The following PTPN2 variants were observed in gnomAD, a reference collection of about 807,000 sequenced individuals.
The protein encoded by PTPN2 is protein tyrosine phosphatase non-receptor type 2, also known as tyrosine-protein phosphatase non-receptor type 2.
PTPN2 carries 19 observed loss-of-function variants against 57.3 expected under a neutral mutation model. That is an observed-to-expected ratio of 0.33 (90% CI 0.23 to 0.49). The LOEUF is 0.49. PTPN2 is among the 20% of genes least tolerant of loss of function. The pLI is 0.99. For synonymous variants in PTPN2, 153 were observed against 164.9 expected (o/e 0.93, Z 0.55); for missense variants, 358 against 501.1 (o/e 0.71, Z 2.73).
At chr18:12,865,427 T>A (rs1260207667) in intron 1 of PTPN2, among the ~76,000 whole-genome samples, 1 of 143,368 alleles carries the variant, frequency 7.0e-6, no homozygotes, top group African/African-American at 2.7e-5. Flanking sequence ...AGAGCAAGAC[T>A]CTGTCTTTAT....
chr18:12,848,232 G>A (rs1160865079), intron 2 of PTPN2, among the ~76,000 whole-genome samples: 2 of 152,130 alleles, frequency 1.3e-5, no homozygotes, highest in Non-Finnish European at 2.9e-5. Context: ...ATGATTTGAA[G>A]GTCTATCATC....
chr18:12,840,982 AT>A (rs2043025658), intron 2 of PTPN2: 2 of 1,436,452 alleles, frequency 1.4e-6, no homozygotes, highest in South Asian at 1.5e-5. Flanking sequence ...ATCATACACA[AT>A]TTTTAGTCAA....
intron 8 of PTPN2, 134 bp downstream of exon 8, chr18:12,801,836 T>G: frequency 7.9e-6 from 7 of 889,762 alleles, no homozygotes; most frequent in East Asian, 2.8e-5. Context: ...CCCAAAGTGT[T>G]GAGATTACAG....
Position 12,792,483 on chromosome 18 carries a change from A to AG in PTPN2, c.*1794_*1795insC, listed in dbSNP as rs2041013807. Reference sequence around the variant, plus strand: ...TTTTTAGTAAAGAAGGGATTTCACCATGTTGGCCAGGACAGTCTCCATCTC... The same window carrying AG: ...TTTTTAGTAAAGAAGGGATTTCACCAGTGTTGGCCAGGACAGTCTCCATCTC... On this transcript the variant is annotated 3_prime_UTR_variant, in exon 9 of 9. Coordinates refer to ENST00000309660, the MANE Select transcript of PTPN2 (RefSeq NM_002828.4). 6.5e-6 allele frequency: 1 copy of AG among 153,890 alleles called. No homozygotes were observed. Among genetic ancestry groups the AG allele is most frequent in the Non-Finnish European group, 1.4e-5 (1 of 69,680 alleles). The allele number at this position is 153,890 out of a possible 1,614,324, so 9.5% of individuals were successfully genotyped here.
intron 1 of PTPN2, among the ~76,000 whole-genome samples, chr18:12,873,460 G>GT (rs1010124510): frequency 1.3e-5 from 2 of 152,192 alleles, no homozygotes; most frequent in Non-Finnish European, 2.9e-5. Context: ...ACTGGTTTTC[G>GT]TATTTTTTTG....
At chr18:12,787,640 GA>G (rs1370859338), downstream of PTPN2, 1 of 152,168 alleles carries the variant, frequency 6.6e-6, no homozygotes, top group Non-Finnish European at 1.5e-5. Flanking sequence ...GGGGGGGTAA[GA>G]AAATACGGTT....
intron 5 of PTPN2, among the ~76,000 whole-genome samples, chr18:12,820,493 A>G (rs1428664383): frequency 6.6e-6 from 1 of 152,192 alleles, no homozygotes; most frequent in African/African-American, 2.4e-5. Context: ...GAGAGGGGAA[A>G]AAAAGGGTTG....
At chr18:12,846,920 A>G (rs1201952558) in intron 2 of PTPN2, among the ~76,000 whole-genome samples, 1 of 152,174 alleles carries the variant, frequency 6.6e-6, no homozygotes, top group East Asian at 1.9e-4. Context: ...TGCCTTCCAC[A>G]TGTGGGCCCA....
intron 7 of PTPN2, among the ~76,000 whole-genome samples, chr18:12,811,996 A>C (rs1421274812): frequency 6.6e-6 from 1 of 152,214 alleles, no homozygotes; most frequent in Non-Finnish European, 1.5e-5. Context: ...TAATTTGTTA[A>C]AAGTTTATCA....
At chr18:12,800,057 A>G (rs2041355271) in intron 8 of PTPN2, among the ~76,000 whole-genome samples, 1 of 152,176 alleles carries the variant, frequency 6.6e-6, no homozygotes, top group South Asian at 2.1e-4. Context: ...GGGAAGGAAA[A>G]AAGGGAAAGA....
intron 2 of PTPN2, among the ~76,000 whole-genome samples, chr18:12,855,814 T>C (rs1229975086): frequency 6.6e-6 from 1 of 152,178 alleles, no homozygotes; most frequent in Non-Finnish European, 1.5e-5. Context: ...AATTAAAAAA[T>C]CCAGAGTTAT....
At chr18:12,868,083 C>T (rs75582301) in intron 1 of PTPN2, among the ~76,000 whole-genome samples, 15,127 of 152,210 alleles carry the variant, frequency 0.099, 1,000 homozygotes, top group Non-Finnish European at 0.15. Flanking sequence ...GGGAAAGACC[C>T]TTCTCTAGTG....
intron 8 of PTPN2, 90 bp downstream of exon 8, chr18:12,801,880 T>C: frequency 8.3e-7 from 1 of 1,205,446 alleles, no homozygotes. Context: ...AAAAATTACA[T>C]ACCTGAAATC....
At chr18:12,829,044 T>C (rs576924960) in intron 4 of PTPN2, among the ~76,000 whole-genome samples, 3 of 152,146 alleles carry the variant, frequency 2.0e-5, no homozygotes, top group Non-Finnish European at 2.9e-5. Flanking sequence ...ACTACAGGCA[T>C]GCGCCACCAC....
intron 1 of PTPN2, among the ~76,000 whole-genome samples, chr18:12,865,438 TAAA>T (rs376422275): frequency 1.5e-5 from 2 of 129,476 alleles, no homozygotes; most frequent in Non-Finnish European, 3.4e-5. Flanking sequence ...CTGTCTTTAT[TAAA>T]AAAAAAAAAA....
chr18:12,831,643 G>A (rs573817479), intron 3 of PTPN2, among the ~76,000 whole-genome samples: 2 of 152,098 alleles, frequency 1.3e-5, no homozygotes, highest in Non-Finnish European at 2.9e-5. Flanking sequence ...ACCATCACTG[G>A]CCAGCCAACC....
intron 7 of PTPN2, among the ~76,000 whole-genome samples, chr18:12,806,878 G>T (rs984440050): frequency 2.0e-5 from 3 of 152,168 alleles, no homozygotes; most frequent in Non-Finnish European, 4.4e-5. Flanking sequence ...CAGGACATTG[G>T]TCTGGGCAAG....
intron 1 of PTPN2, 67 bp from the exon 2 acceptor site, chr18:12,859,321 G>T: frequency 9.0e-7 from 1 of 1,116,312 alleles, no homozygotes; most frequent in Non-Finnish European, 1.3e-6. Flanking sequence ...TATCTTCCCA[G>T]CCAGCGTAAA....
chr18:12,843,128 C>T (rs367698694), intron 2 of PTPN2, among the ~76,000 whole-genome samples: 26 of 152,210 alleles, frequency 1.7e-4, no homozygotes, highest in African/African-American at 6.3e-4. Context: ...TTTGGCTCTA[C>T]CAACCTACAT....
Sources: allele counts gnomAD v4.1 joint callset (sites outside exome capture counted in the v4.1 genomes callset), GRCh38; gene constraint gnomAD v4.1.1; transcripts MANE v1.5; gene names NCBI Gene and HGNC (gene_info 2026-07-23, HGNC 2026-07-21).